The following LVRN variants were observed in gnomAD, a reference collection of about 807,000 sequenced individuals.
The protein encoded by LVRN is laeverin, also known as aminopeptidase Q.
A neutral mutation model predicts 111.4 loss-of-function variants in LVRN; 99 were observed. That is an observed-to-expected ratio of 0.89 (90% confidence interval 0.76 to 1.05). The LOEUF (loss-of-function observed/expected upper bound fraction) is 1.05. Among genes scored for constraint, LVRN ranks in the 50% least tolerant of loss-of-function variants. LVRN has a pLI of 0.00. For missense variants in LVRN, 1,414 were observed against 1,206.8 expected, an observed-to-expected ratio of 1.17 and a Z score of -2.54; for synonymous variants, 488 against 449.5, an observed-to-expected ratio of 1.09 and a Z score of -1.08.
At position 116,002,823 on chromosome 5, in the gene LVRN, T is replaced by G; in HGVS notation, c.1821-12T>G. On this transcript the variant is annotated splice_polypyrimidine_tract_variant and intron_variant, in intron 10 of 19. Transcript: ENST00000357872. Reference sequence around the variant, plus strand: ...TGAAAAGTAACTAATTTTTTTATTTTCTTCCAATAAGTGACACATGGATTG... The same window carrying G: ...TGAAAAGTAACTAATTTTTTTATTTGCTTCCAATAAGTGACACATGGATTG... 1.3e-6 allele frequency: 2 copies of G among 1,579,438 alleles called. No homozygotes were observed. The highest frequency in any genetic ancestry group is 1.7e-6 in the Non-Finnish European group (2 of 1,153,688).
chr5:115,984,944 G>A (rs141341186), intron 3 of LVRN, among the ~76,000 whole-genome samples: 2 of 152,178 alleles, frequency 1.3e-5, no homozygotes, highest in African/African-American at 4.8e-5. Context: ...ACTCATCAAG[G>A]CAAGGTCTGT....
At chr5:116,000,325 C>G (rs1748211895) in intron 7 of LVRN, 108 bp from the exon 8 acceptor site, 2 of 1,445,728 alleles carry the variant, frequency 1.4e-6, no homozygotes, top group African/African-American at 2.8e-5. Flanking sequence ...AACTAAAATG[C>G]AAAATGCAAT....
At position 115,983,367 on chromosome 5, in the gene LVRN, C is replaced by T. The variant is rs1342364935; in HGVS notation, c.776C>T (p.Thr259Ile). 6.2e-7 allele frequency: 1 copy of T among 1,611,532 alleles called. No individual in the cohort carries two copies. Among genetic ancestry groups the T allele is most frequent in the Non-Finnish European group, 8.5e-7 (1 of 1,179,212 alleles). Residue 259 changes from threonine (T) to isoleucine (I), a missense_variant, in exon 2 of 20, where the codon ACT becomes ATT. By Grantham distance (89) the Thr-to-Ile change is moderately conservative. Coordinates refer to ENST00000357872, the MANE Select transcript of LVRN (RefSeq NM_173800.5). ...TTTGATGAGCCAGCTCTGAAGGCAA[C>T]TTTTAATATTACAATGATTCATCAT... ...PCFDEPALKA[T>I]FNITMIHHPS...
chr5:115,979,722 G>A (rs1296729408), intron 1 of LVRN, among the ~76,000 whole-genome samples: 2 of 152,114 alleles, frequency 1.3e-5, no homozygotes, highest in Non-Finnish European at 2.9e-5. Context: ...GTCCAGTAGT[G>A]TAACATCTGG....
intron 1 of LVRN, among the ~76,000 whole-genome samples, chr5:115,977,231 G>T (rs906599200): frequency 1.3e-5 from 2 of 152,018 alleles, no homozygotes; most frequent in African/African-American, 4.8e-5. Context: ...TACTCTACTC[G>T]GCAAATTCTA....
intron 1 of LVRN, chr5:115,975,373 ATTTG>A (rs1397738500): frequency 9.1e-6 from 2 of 219,420 alleles, no homozygotes; most frequent in South Asian, 7.0e-5. Flanking sequence ...AAGGTCTTCT[ATTTG>A]TTTGTCTCCA....
At chr5:116,007,576 G>A (rs771557416) in intron 13 of LVRN, among the ~76,000 whole-genome samples, 13 of 152,012 alleles carry the variant, frequency 8.6e-5, no homozygotes, top group African/African-American at 1.2e-4. Flanking sequence ...ACTGCCTTTG[G>A]GACCTTTCAT....
At chr5:116,003,097 C>A (rs953308695) in intron 11 of LVRN, 144 bp from the exon 12 acceptor site, 2 of 892,204 alleles carry the variant, frequency 2.2e-6, no homozygotes, top group African/African-American at 1.7e-5. Flanking sequence ...TATATAATTA[C>A]CTGGTAAGAG....
At chr5:115,986,750 T>C (rs17138559) in intron 3 of LVRN, among the ~76,000 whole-genome samples, 25,094 of 152,236 alleles carry the variant, frequency 0.16, 2,331 homozygotes, top group East Asian at 0.41. Context: ...AAGAAACATG[T>C]AAGTAGTTCA....
intron 12 of LVRN, 43 bp from the exon 13 acceptor site, chr5:116,005,869 T>A (rs1373130937): frequency 1.3e-6 from 2 of 1,533,288 alleles, no homozygotes; most frequent in Non-Finnish European, 1.8e-6. Context: ...TGCGGAAAAA[T>A]GTTCTCATCT....
At chr5:115,972,158 T>C (rs921887212) in intron 1 of LVRN, among the ~76,000 whole-genome samples, 1 of 152,184 alleles carries the variant, frequency 6.6e-6, no homozygotes, top group East Asian at 1.9e-4. Flanking sequence ...TTGATATATA[T>C]AAGGAAACAT....
chr5:115,965,984 A>G (rs1753193247), intron 1 of LVRN, among the ~76,000 whole-genome samples: 1 of 152,222 alleles, frequency 6.6e-6, no homozygotes, highest in African/African-American at 2.4e-5. Context: ...AAATAATTAT[A>G]GATTCACCAG....
intron 13 of LVRN, among the ~76,000 whole-genome samples, chr5:116,006,453 T>A (rs1748376631): frequency 6.6e-6 from 1 of 152,158 alleles, no homozygotes; most frequent in African/African-American, 2.4e-5. Flanking sequence ...TCCTCCTTTT[T>A]CCCTCTGTGA....
intron 5 of LVRN, 102 bp downstream of exon 5, chr5:115,992,379 T>G: frequency 7.5e-7 from 1 of 1,327,208 alleles, no homozygotes; most frequent in Admixed American, 2.2e-5. Flanking sequence ...TATACCATAT[T>G]TTAAAAAGAA....
chr5:115,988,075 C>A (rs1428768726), intron 4 of LVRN, 136 bp downstream of exon 4: 1 of 1,201,386 alleles, frequency 8.3e-7, no homozygotes. Flanking sequence ...AGCCTCCTGA[C>A]CTATGCCTTA....
intron 10 of LVRN, among the ~76,000 whole-genome samples, chr5:116,002,575 A>T (rs1352070864): frequency 1.3e-5 from 2 of 152,220 alleles, no homozygotes; most frequent in African/African-American, 2.4e-5. Context: ...TTTCAGACAC[A>T]AGAGTTTAGT....
chr5:116,005,682 A>G lies in LVRN; in HGVS notation c.2038-230A>G, dbSNP rs113709050. The G allele has an allele frequency of 9.4e-4, 529 of 563,572 alleles. 1 individual carries two copies. The highest frequency in any genetic ancestry group is 8.8e-3 in the African/African-American group (465 of 52,808). The allele number at this position is 563,572 out of a possible 1,614,324, so 34.9% of individuals were successfully genotyped here. ...GAGTATTTTGGCAAAACTTTCTGCC[A>G]TATTTAAACCTTATGATTGATGTCC... On this transcript the variant is annotated intron_variant, in intron 12 of 19. Transcript: ENST00000357872.
At chr5:116,024,549 C>G (rs1052044677) in intron 19 of LVRN, among the ~76,000 whole-genome samples, 1 of 152,308 alleles carries the variant, frequency 6.6e-6, no homozygotes, top group Middle Eastern at 3.4e-3. Flanking sequence ...AAGAAAAGCA[C>G]ATTACACCCA....
intron 19 of LVRN, 63 bp from the exon 20 acceptor site, chr5:116,025,915 A>G (rs1748853760): frequency 1.3e-6 from 2 of 1,590,484 alleles, no homozygotes; most frequent in East Asian, 2.2e-5. Context: ...TAGCATTTAG[A>G]CATTTACTTT....
Sources: allele counts gnomAD v4.1 joint callset (sites outside exome capture counted in the v4.1 genomes callset), GRCh38; gene constraint gnomAD v4.1.1; transcripts MANE v1.5; gene names NCBI Gene and HGNC (gene_info 2026-07-23, HGNC 2026-07-21).